Variants in PDSS2 observed in about 807,000 individuals in gnomAD.
PDSS2 encodes decaprenyl diphosphate synthase subunit 2.
PDSS2 carries 31 observed loss-of-function variants against 44.5 expected under a neutral mutation model. The ratio of observed to expected loss-of-function variants is 0.70; its 90% CI spans 0.52 to 0.94. The LOEUF (loss-of-function observed/expected upper bound fraction) is 0.94, where lower values mean the gene tolerates loss of function less well. PDSS2 is among the 40% of genes least tolerant of loss of function. PDSS2 has a pLI of 0.00. For missense variants in PDSS2, 452 were observed against 482.2 expected (o/e 0.94, Z 0.59); for synonymous variants, 157 against 180.3 (o/e 0.87, Z 1.03).
chr6:107,440,722 T>C (rs1781489140), intron 1 of PDSS2, among the ~76,000 whole-genome samples: 1 of 152,166 alleles, frequency 6.6e-6, no homozygotes, highest in South Asian at 2.1e-4. Context: ...ATGAGAGGCT[T>C]AAATAGAGGG....
chr6:107,404,757 ACTACAGTT>A (rs935072496), intron 1 of PDSS2, among the ~76,000 whole-genome samples: 35 of 152,214 alleles, frequency 2.3e-4, no homozygotes, highest in Non-Finnish European at 4.4e-5. Flanking sequence ...GATTATGGGA[ACTACAGTT>A]CAAGATGAGA....
At chr6:107,173,011 C>A (rs1292137169) in intron 7 of PDSS2, among the ~76,000 whole-genome samples, 3 of 151,372 alleles carry the variant, frequency 2.0e-5, no homozygotes, top group Admixed American at 6.6e-5. Context: ...GTTGTCCCAG[C>A]TACTGGGGAG....
chr6:107,326,821 C>T (rs1220081243), intron 2 of PDSS2, among the ~76,000 whole-genome samples: 1 of 150,698 alleles, frequency 6.6e-6, no homozygotes, highest in Non-Finnish European at 1.5e-5. Flanking sequence ...CATTGCACTA[C>T]ATTCTGGGTG....
At chr6:107,392,217 T>G (rs1333632722) in intron 1 of PDSS2, among the ~76,000 whole-genome samples, 3 of 152,124 alleles carry the variant, frequency 2.0e-5, no homozygotes, top group Non-Finnish European at 4.4e-5. Context: ...GGTATACATG[T>G]TTTAACATCG....
chr6:107,165,751 T>G (rs1481671506), intron 7 of PDSS2, among the ~76,000 whole-genome samples: 1 of 152,142 alleles, frequency 6.6e-6, no homozygotes, highest in Non-Finnish European at 1.5e-5. Context: ...TAAATTACCT[T>G]GGGCAGTATG....
intron 1 of PDSS2, among the ~76,000 whole-genome samples, chr6:107,388,447 A>ATTT (rs147100917): frequency 2.3e-4 from 32 of 137,252 alleles, no homozygotes; most frequent in South Asian, 6.8e-4. Context: ...GTGCATGTGA[A>ATTT]TTTTTTTTTT....
At chr6:107,238,870 T>C (rs1774320827) in intron 4 of PDSS2, among the ~76,000 whole-genome samples, 1 of 152,212 alleles carries the variant, frequency 6.6e-6, no homozygotes, top group African/African-American at 2.4e-5. Flanking sequence ...GAAAATACTC[T>C]TCTTGATTTA....
chr6:107,174,445 A>G (rs760048322), intron 7 of PDSS2, among the ~76,000 whole-genome samples: 3 of 152,174 alleles, frequency 2.0e-5, no homozygotes, highest in Non-Finnish European at 2.9e-5. Context: ...GGATGACCAC[A>G]TGTAGGAGAA....
intron 3 of PDSS2, among the ~76,000 whole-genome samples, chr6:107,251,868 T>C (rs1181802260): frequency 3.3e-5 from 5 of 152,168 alleles, no homozygotes; most frequent in African/African-American, 9.7e-5. Flanking sequence ...GTGAGACGCA[T>C]ATAAAGATGG....
At chr6:107,369,916 A>T (rs1041411858) in intron 1 of PDSS2, among the ~76,000 whole-genome samples, 1 of 152,088 alleles carries the variant, frequency 6.6e-6, no homozygotes, top group African/African-American at 2.4e-5. Flanking sequence ...AGGTGAGAGG[A>T]TCACTCGAGC....
At chr6:107,181,406 G>A (rs1421561928) in intron 7 of PDSS2, among the ~76,000 whole-genome samples, 4 of 150,438 alleles carry the variant, frequency 2.7e-5, no homozygotes, top group African/African-American at 2.4e-5. Context: ...GGCAGTGGGC[G>A]CCTGTAATCC....
At chr6:107,417,570 C>G (rs1194759590) in intron 1 of PDSS2, among the ~76,000 whole-genome samples, 2 of 152,072 alleles carry the variant, frequency 1.3e-5, no homozygotes, top group African/African-American at 4.8e-5. Context: ...ACCAGTCTAG[C>G]CAACATGGTG....
chr6:107,297,485 C>G (rs1449604190), intron 2 of PDSS2, among the ~76,000 whole-genome samples: 4 of 151,494 alleles, frequency 2.6e-5, no homozygotes, highest in Non-Finnish European at 5.9e-5. Flanking sequence ...CAAGTTCACA[C>G]CATTCTCCTG....
At chr6:107,405,478 A>C (rs1780281901) in intron 1 of PDSS2, among the ~76,000 whole-genome samples, 1 of 152,104 alleles carries the variant, frequency 6.6e-6, no homozygotes, top group Admixed American at 6.6e-5. Flanking sequence ...ACTAGATAAC[A>C]ATCAATATCA....
chr6:107,176,350 C>T (rs149860524), intron 7 of PDSS2, among the ~76,000 whole-genome samples: 1,616 of 151,802 alleles, frequency 0.011, 28 homozygotes, highest in African/African-American at 0.037. Flanking sequence ...CAAAACATGT[C>T]TATTTTTGAA....
At chr6:107,441,876 G>GC (rs1218790989) in intron 1 of PDSS2, among the ~76,000 whole-genome samples, 1 of 152,136 alleles carries the variant, frequency 6.6e-6, no homozygotes, top group Non-Finnish European at 1.5e-5. Context: ...CTCAAACCTA[G>GC]TACACCATTC....
At chr6:107,317,943 C>CCCCT (rs1349854281) in intron 2 of PDSS2, among the ~76,000 whole-genome samples, 5 of 152,012 alleles carry the variant, frequency 3.3e-5, no homozygotes, top group Non-Finnish European at 5.9e-5. Context: ...CAATGTATTC[C>CCCCT]CCCTCCCCCC....
chr6:107,221,785 G>GT (rs907639419), intron 4 of PDSS2, among the ~76,000 whole-genome samples: 6 of 152,282 alleles, frequency 3.9e-5, no homozygotes, highest in African/African-American at 1.4e-4. Context: ...AACTGCACTT[G>GT]TAACAGTGGC....
chr6:107,334,719 A>C (rs1777826447), intron 1 of PDSS2, among the ~76,000 whole-genome samples: 1 of 151,498 alleles, frequency 6.6e-6, no homozygotes. Context: ...TAAAAAAAAA[A>C]AAAAAAAACG....
Sources: allele counts gnomAD v4.1 joint callset (sites outside exome capture counted in the v4.1 genomes callset), GRCh38; gene constraint gnomAD v4.1.1; transcripts MANE v1.5; gene names NCBI Gene and HGNC (gene_info 2026-07-23, HGNC 2026-07-21).